PKD1L1: variants seen among roughly 807,000 people sequenced by gnomAD.
PKD1L1 encodes the protein polycystin 1 like 1, transient receptor potential channel interacting.
Under a neutral mutation model 323.4 loss-of-function variants are expected in PKD1L1, and 236 were observed. That is an observed-to-expected ratio of 0.73 (90% confidence interval 0.66 to 0.81). The LOEUF is 0.81. PKD1L1 is among the 40% of genes least tolerant of loss of function. PKD1L1 has a pLI of 0.00. For missense variants in PKD1L1, 3,320 were observed against 3,508.0 expected (o/e 0.95, Z 1.35); for synonymous variants, 1,344 against 1,335.0 (o/e 1.01, Z -0.15).
At chr7:47,904,945 C>T (rs1242464796) in intron 11 of PKD1L1, among the ~76,000 whole-genome samples, 1 of 152,134 alleles carries the variant, frequency 6.6e-6, no homozygotes, top group Non-Finnish European at 1.5e-5. Context: ...CTTCAAAGCC[C>T]TACACCGTTT....
At chr7:47,775,785 A>T (rs986508654) in intron 56 of PKD1L1, among the ~76,000 whole-genome samples, 1 of 151,314 alleles carries the variant, frequency 6.6e-6, no homozygotes, top group Admixed American at 6.6e-5. Flanking sequence ...AATACTAAAG[A>T]TCAAAGCAGA....
chr7:47,805,800 C>G (rs1212715683), intron 52 of PKD1L1, among the ~76,000 whole-genome samples: 1 of 152,170 alleles, frequency 6.6e-6, no homozygotes, highest in Non-Finnish European at 1.5e-5. Flanking sequence ...TGACCTTGAG[C>G]CAGTTGCTTA....
At chr7:47,864,575 C>CTTTT (rs1344889212) in intron 26 of PKD1L1, among the ~76,000 whole-genome samples, 4 of 118,462 alleles carry the variant, frequency 3.4e-5, no homozygotes, top group Non-Finnish European at 7.6e-5. Context: ...CTTTTTCTTT[C>CTTTT]TTTTCTTTCT....
In PKD1L1 at chr7:47,857,849, A is replaced by G. The variant is rs1785939360; in HGVS notation, c.4363-17T>C. 6.2e-7 allele frequency: 1 copy of G among 1,607,990 alleles called. No individual in the cohort carries two copies. Among genetic ancestry groups the G allele is most frequent in the African/African-American group, 1.3e-5 (1 of 74,822 alleles). On this transcript the variant is annotated splice_polypyrimidine_tract_variant and intron_variant, in intron 27 of 56. Transcript: ENST00000289672. ...GAGACAACCCTGAAACATAGAGCAT[A>G]GGGAGTGGGATGTTTATAACACAAA...
chr7:47,792,788 A>G lies in PKD1L1; in HGVS notation c.8365T>C (p.Leu2789=), dbSNP rs1786982117. The change falls in exon 56 of 57, where the codon TTG becomes CTG. Residue 2789 remains leucine, a synonymous_variant. Transcript: ENST00000289672. ...TCTAACAGATTTGCAAATTCATCCA[A>G]GTAGTAATTCTGAAGGGAAGAAAAT... ...AEMVENHNYY[L]DEFANLLDEL... 1.2e-6 allele frequency: 2 copies of G among 1,613,204 alleles called. No individual in the cohort carries two copies. The highest frequency in any genetic ancestry group is 1.7e-6 in the Non-Finnish European group (2 of 1,179,270).
chr7:47,774,868 C>A lies in PKD1L1; in HGVS notation c.*275G>T. The A allele has an allele frequency of 7.8e-6, 3 of 384,724 alleles. No homozygotes were observed. The highest frequency in any genetic ancestry group is 9.3e-6 in the Non-Finnish European group (2 of 214,894). 23.8% of individuals were successfully genotyped at this position (384,724 alleles called of 1,614,324 possible). Reference sequence around the variant, plus strand: ...AAGACAATATGTAACTCTAGGGCAACTGGCAAATTAACCATTTGGGAGAAG... The same window carrying A: ...AAGACAATATGTAACTCTAGGGCAAATGGCAAATTAACCATTTGGGAGAAG... On this transcript the variant is annotated 3_prime_UTR_variant, in exon 57 of 57. Coordinates refer to ENST00000289672, the MANE Select transcript of PKD1L1 (RefSeq NM_138295.5).
At chr7:47,780,501 G>A (rs750601210) in intron 56 of PKD1L1, among the ~76,000 whole-genome samples, 10 of 152,090 alleles carry the variant, frequency 6.6e-5, no homozygotes, top group Non-Finnish European at 1.3e-4. Context: ...GCGTGGTGGT[G>A]TGCACCTGTA....
At chr7:47,792,196 G>A (rs1040000504) in intron 56 of PKD1L1, among the ~76,000 whole-genome samples, 3 of 152,158 alleles carry the variant, frequency 2.0e-5, no homozygotes, top group African/African-American at 4.8e-5. Flanking sequence ...TGTCTAACTT[G>A]GAGAATTCTG....
At chr7:47,826,367 T>G (rs1785240911) in intron 45 of PKD1L1, among the ~76,000 whole-genome samples, 1 of 152,148 alleles carries the variant, frequency 6.6e-6, no homozygotes, top group African/African-American at 2.4e-5. Context: ...TTTGATAAGA[T>G]TAAAAAACTT....
rs57805873 is a variant in PKD1L1 at position 47,870,984 on chromosome 7, G to GA, written c.3896+2914dup. ...GGAAACCTTGTCTCAAAAAAAAAAA[G>GA]AAAAAAAAAAAAAAAGGAATACTTC... On this transcript the variant is annotated intron_variant, in intron 24 of 56. Transcript: ENST00000289672. Among the ~76,000 whole-genome samples, 446 of 86,094 alleles carry GA rather than the reference G, an allele frequency of 5.2e-3. 8 individuals are homozygous for GA. The highest frequency in any genetic ancestry group is 7.3e-3 in the South Asian group (16 of 2,180). 56.5% of individuals were successfully genotyped at this position (86,094 alleles called of 152,430 possible). A position where few individuals can be genotyped will look rare whatever the true frequency, so the allele number is the denominator to read the frequency against.
At position 47,834,379 on chromosome 7, in the gene PKD1L1, T is replaced by C; in HGVS notation, c.6134A>G (p.Asn2045Ser). The change falls in exon 40 of 57, where the codon AAT (asparagine) becomes AGT (serine). Residue 2045 changes from asparagine (N) to serine (S), a missense_variant. Transcript: ENST00000289672. ...GAQTEAPHGPNSWGRIPDAQE... is the reference protein window; with the variant it reads ...GAQTEAPHGPSSWGRIPDAQE... ...TGCGTCTGGTATCCTTCCCCAGGAA[T>C]TAGGACCTGATTCAAAAAAATAAAA... 6.2e-7 allele frequency: 1 copy of C among 1,613,848 alleles called. No individual in the cohort carries two copies. The highest frequency in any genetic ancestry group is 1.1e-5 in the South Asian group (1 of 91,054).
intron 1 of PKD1L1, among the ~76,000 whole-genome samples, chr7:47,947,656 G>A (rs1054626234): frequency 7.2e-5 from 11 of 152,240 alleles, no homozygotes; most frequent in Admixed American, 4.6e-4. Flanking sequence ...CAGAGCATGG[G>A]GAAGAGGGTT....
chr7:47,905,686 A>G (rs1199070990), intron 10 of PKD1L1, among the ~76,000 whole-genome samples, 157 bp downstream of exon 10: 6 of 152,270 alleles, frequency 3.9e-5, no homozygotes, highest in Non-Finnish European at 5.9e-5. Flanking sequence ...GAAAATTCCC[A>G]GAACAAATGG....
At chr7:47,960,405 G>GAAAAAAAAAA in the PKD1L1 span, among the ~76,000 whole-genome samples, 2 of 108,360 alleles carry the variant, frequency 1.8e-5, no homozygotes, top group African/African-American at 3.5e-5. Flanking sequence ...CTGTAAAAAA[G>GAAAAAAAAAA]AAAAAAAAAG....
intron 19 of PKD1L1, 116 bp downstream of exon 19, chr7:47,884,482 T>C: frequency 1.1e-6 from 1 of 905,350 alleles, no homozygotes; most frequent in South Asian, 1.4e-5. Context: ...CTTTTCCCTG[T>C]GATTCTGTGG....
intron 7 of PKD1L1, among the ~76,000 whole-genome samples, chr7:47,924,149 AAGG>A (rs1368038327): frequency 6.6e-6 from 1 of 152,218 alleles, no homozygotes; most frequent in African/African-American, 2.4e-5. Context: ...CCTGCTGAGC[AAGG>A]AGAACAGGGA....
intron 2 of PKD1L1, among the ~76,000 whole-genome samples, chr7:47,940,792 C>G (rs1353796121): frequency 6.6e-6 from 1 of 152,182 alleles, no homozygotes; most frequent in Non-Finnish European, 1.5e-5. Flanking sequence ...GTAGCACGGA[C>G]CTGGCTGACG....
chr7:47,873,253 A>C (rs1786322576), intron 24 of PKD1L1, among the ~76,000 whole-genome samples: 1 of 152,198 alleles, frequency 6.6e-6, no homozygotes, highest in Non-Finnish European at 1.5e-5. Flanking sequence ...CTTATGGTGA[A>C]GGCTGTATAA....
intron 16 of PKD1L1, among the ~76,000 whole-genome samples, chr7:47,888,842 A>T (rs762172670): frequency 5.3e-5 from 8 of 152,034 alleles, no homozygotes; most frequent in Non-Finnish European, 1.0e-4. Flanking sequence ...GTTTTTCATA[A>T]TATCTCGGGG....
Sources: allele counts gnomAD v4.1 joint callset (sites outside exome capture counted in the v4.1 genomes callset), GRCh38; gene constraint gnomAD v4.1.1; transcripts MANE v1.5; gene names NCBI Gene and HGNC (gene_info 2026-07-23, HGNC 2026-07-21).